CDC25C: variants seen among roughly 807,000 people sequenced by gnomAD.
The protein encoded by CDC25C is M-phase inducer phosphatase 3.
A neutral mutation model predicts 52.5 loss-of-function variants in CDC25C; 48 were observed. The ratio of observed to expected loss-of-function variants is 0.91; its 90% CI spans 0.72 to 1.16. The LOEUF (loss-of-function observed/expected upper bound fraction) is 1.16, where lower values mean the gene tolerates loss of function less well. CDC25C is among the 50% of genes most tolerant of loss of function. The pLI, the probability that CDC25C is intolerant of heterozygous loss-of-function variation, is 0.00. For synonymous variants in CDC25C, 187 were observed against 206.5 expected, an observed-to-expected ratio of 0.91 and a Z score of 0.81; for missense variants, 510 against 566.1, an observed-to-expected ratio of 0.90 and a Z score of 1.01.
At chr5:138,338,045 C>A (rs777468451) in exon 1 of CDC25C, 1 of 1,289,600 alleles carries the variant, frequency 7.8e-7, no homozygotes, top group South Asian at 1.2e-5. Flanking sequence ...GGGGGTGACT[C>A]GTTAGTGAGG....
rs964867378 is a variant in CDC25C, at chr5:138,301,036, C to T, written c.616-8920G>A. Among the ~76,000 whole-genome samples, 28 of 152,108 alleles carry T rather than the reference C, an allele frequency of 1.8e-4. 1 individual carries two copies. The highest frequency in any genetic ancestry group is 6.3e-4 in the African/African-American group (26 of 41,422). On this transcript the variant is annotated intron_variant, in intron 7 of 13. Coordinates refer to ENST00000323760, the MANE Select transcript of CDC25C (RefSeq NM_001790.5). ...TAAATACCCTTATTTAAAAAGGTCT[C>T]AAATCAATGACCTTAGCTTCAACCT...
At chr5:138,331,275 C>T in intron 1 of CDC25C, 57 bp from the exon 2 acceptor site, 1 of 1,148,646 alleles carries the variant, frequency 8.7e-7, no homozygotes, top group South Asian at 1.3e-5. Flanking sequence ...CTTTCCTAAA[C>T]TCCTCCACCC....
In CDC25C at chr5:138,295,441, T is replaced by C. The variant is rs1757107750; in HGVS notation, c.616-3325A>G. 3.9e-5 allele frequency among the ~76,000 whole-genome samples: 6 copies of C among 152,016 alleles called. No homozygotes were observed. In the South Asian group the frequency reaches 1.2e-3, roughly 32 times the overall value. On this transcript the variant is annotated intron_variant, in intron 7 of 13. Coordinates refer to ENST00000323760, the MANE Select transcript of CDC25C (RefSeq NM_001790.5). Reference sequence around the variant, plus strand: ...CAGCTTGGGCAACATGGTGAAACCTTGTCTCTACAAAAAATACAATAATTA... The same window carrying C: ...CAGCTTGGGCAACATGGTGAAACCTCGTCTCTACAAAAAATACAATAATTA...
intron 7 of CDC25C, among the ~76,000 whole-genome samples, chr5:138,311,503 G>GA (rs1758451986): frequency 6.6e-6 from 1 of 152,130 alleles, no homozygotes; most frequent in Non-Finnish European, 1.5e-5. Flanking sequence ...ACTGAGGTGG[G>GA]AGGATCCCTT....
At chr5:138,289,186 C>T (rs1345665302) in intron 10 of CDC25C, among the ~76,000 whole-genome samples, 3 of 152,168 alleles carry the variant, frequency 2.0e-5, no homozygotes, top group Non-Finnish European at 4.4e-5. Context: ...AGGGTGGTCT[C>T]GAATTCCCTG....
chr5:138,306,621 G>A (rs1030821112), intron 7 of CDC25C, among the ~76,000 whole-genome samples: 2 of 152,050 alleles, frequency 1.3e-5, no homozygotes, highest in Admixed American at 6.6e-5. Flanking sequence ...GATTACAGGT[G>A]CATACCACCA....
At chr5:138,331,525 G>A in intron 1 of CDC25C, 70 bp downstream of exon 1, 6 of 1,088,200 alleles carry the variant, frequency 5.5e-6, no homozygotes, top group African/African-American at 1.6e-5. Context: ...TGTCTGTGGG[G>A]GCCCGACTGG....
intron 6 of CDC25C, among the ~76,000 whole-genome samples, 163 bp from the exon 7 acceptor site, chr5:138,319,537 C>T (rs909373986): frequency 1.3e-5 from 2 of 152,074 alleles, no homozygotes; most frequent in South Asian, 2.1e-4. Flanking sequence ...AAGAAAAAAA[C>T]AGATAAATTG....
chr5:138,326,200 G>C, intron 4 of CDC25C, 146 bp from the exon 5 acceptor site: 4 of 823,308 alleles, frequency 4.9e-6, no homozygotes, highest in Non-Finnish European at 8.3e-6. Context: ...ACAATACATA[G>C]GGTATTCTCT....
intron 8 of CDC25C, 142 bp from the exon 9 acceptor site, chr5:138,290,882 G>A: frequency 3.4e-6 from 2 of 590,956 alleles, no homozygotes; most frequent in Non-Finnish European, 6.2e-6. Flanking sequence ...TTGAGCCCAG[G>A]AGGCCAAGGC....
rs11567959 is a variant in CDC25C, at chr5:138,331,140, C to G, written c.41G>C (p.Ser14Thr). The change falls in exon 2 of 14, where the codon AGC becomes ACC. Residue 14 changes from serine (S) to threonine (T), a missense_variant. Physicochemically the swap from Ser to Thr is moderately conservative, Grantham distance 58. Transcript: ENST00000323760. ...ELFSSTREEG[S>T]SGSGPSFRSN... Reference sequence around the variant, plus strand: ...CCTAAAACTGGGTCCTGAGCCAGAGCTTCCTTCCTCTCTTGTGGATGAGAA... The same window carrying G: ...CCTAAAACTGGGTCCTGAGCCAGAGGTTCCTTCCTCTCTTGTGGATGAGAA... 9 of 1,614,146 alleles carry G rather than the reference C, an allele frequency of 5.6e-6. No individual in the cohort carries two copies. The highest frequency in any genetic ancestry group is 7.6e-6 in the Non-Finnish European group (9 of 1,179,962).
At chr5:138,338,050 G>C (rs1432839704) in exon 1 of CDC25C, 4 of 1,289,758 alleles carry the variant, frequency 3.1e-6, no homozygotes, top group Non-Finnish European at 3.0e-6. Flanking sequence ...TGACTCGTTA[G>C]TGAGGAAACC....
chr5:138,290,638 C>A lies in CDC25C; in HGVS notation c.864+1G>T. On this transcript the variant is annotated splice_donor_variant, in intron 9 of 13. Coordinates refer to ENST00000323760, the MANE Select transcript of CDC25C (RefSeq NM_001790.5). LOFTEE classifies it high-confidence loss of function. Reference sequence around the variant, plus strand: ...TACAGGATGGGTGTAGCCAAACTCACCTTGGAAAAATCACCAATCAGGTGC... The same window carrying A: ...TACAGGATGGGTGTAGCCAAACTCAACTTGGAAAAATCACCAATCAGGTGC... 1 of 1,568,906 alleles carries A rather than the reference C, an allele frequency of 6.4e-7. No homozygotes were observed. The highest frequency in any genetic ancestry group is 1.1e-5 in the South Asian group (1 of 90,126).
At chr5:138,292,644 T>C (rs1444231076) in intron 7 of CDC25C, among the ~76,000 whole-genome samples, 1 of 151,638 alleles carries the variant, frequency 6.6e-6, no homozygotes, top group African/African-American at 2.4e-5. Context: ...TAAAATCAAA[T>C]AGCATGCTGA....
chr5:138,289,079 T>C (rs1756498550), intron 10 of CDC25C, among the ~76,000 whole-genome samples: 1 of 152,150 alleles, frequency 6.6e-6, no homozygotes, highest in Non-Finnish European at 1.5e-5. Flanking sequence ...ATTCTTGTGC[T>C]TCAGCCTCCC....
In CDC25C at chr5:138,285,861, G is replaced by A. The variant is rs1355087034; in HGVS notation, c.1273-20C>T. 1.7e-5 allele frequency: 27 copies of A among 1,613,370 alleles called. No homozygotes were observed. The highest frequency in any genetic ancestry group is 2.2e-5 in the Non-Finnish European group (26 of 1,179,484). ...CAGTTCCTGAAAGGTAAGGAACAGA[G>A]TAAGGGATTCTCTAGACTCCTGAAC... On this transcript the variant is annotated intron_variant, in intron 13 of 13. Transcript: ENST00000323760.
At position 138,325,832 on chromosome 5, in the gene CDC25C, A is replaced by G. The variant is rs781214981; in HGVS notation, c.442T>C (p.Ser148Pro). The change falls in exon 6 of 14, where the codon TCT becomes CCT. Residue 148 changes from serine to proline, a missense_variant. Coordinates refer to ENST00000323760, the MANE Select transcript of CDC25C (RefSeq NM_001790.5). The stretch of plus-strand genomic sequence containing the variant: ...ACACTCACATTTTCTTTATTTGCAG[A>G]TGAACTACACATTGCATCTCTCTTT... ...HRKRDAMCSS[S>P]ANKENDNGNL... 6.2e-7 allele frequency: 1 copy of G among 1,612,820 alleles called. No homozygotes were observed. Among genetic ancestry groups the G allele is most frequent in the Non-Finnish European group, 8.5e-7 (1 of 1,178,824 alleles).
chr5:138,307,507 A>G (rs1392624480), intron 7 of CDC25C, among the ~76,000 whole-genome samples: 59 of 150,936 alleles, frequency 3.9e-4, no homozygotes, highest in African/African-American at 1.0e-3. Flanking sequence ...AAAAAAAAAA[A>G]AAAAGAAAAA....
chr5:138,309,923 T>C (rs1398890056), intron 7 of CDC25C, among the ~76,000 whole-genome samples: 2 of 152,066 alleles, frequency 1.3e-5, no homozygotes, highest in African/African-American at 2.4e-5. Flanking sequence ...GCCAGGCTGG[T>C]CTCGAACTCC....
Sources: allele counts gnomAD v4.1 joint callset (sites outside exome capture counted in the v4.1 genomes callset), GRCh38; gene constraint gnomAD v4.1.1; transcripts MANE v1.5; gene names NCBI Gene and HGNC (gene_info 2026-07-23, HGNC 2026-07-21).